Variants in AMPH observed in about 807,000 individuals in gnomAD.
The protein encoded by AMPH is amphiphysin (Stiff-Mann syndrome with breast cancer 128kD autoantigen).
AMPH carries 49 observed loss-of-function variants against 99.1 expected under a neutral mutation model. The observed-to-expected ratio is 0.49, with a 90% CI of 0.39 to 0.63. The LOEUF is 0.63. AMPH is among the 20% of genes least tolerant of loss of function. The pLI, the probability that AMPH is intolerant of heterozygous loss-of-function variation, is 0.00. For synonymous variants in AMPH, 314 were observed against 317.3 expected, an observed-to-expected ratio of 0.99 and a Z score of 0.11; for missense variants, 759 against 863.4, an observed-to-expected ratio of 0.88 and a Z score of 1.52.
chr7:38,631,263 C>T lies in AMPH; in HGVS notation c.69+20G>A. ...CCCGCCTGGCGTCCCCGGCCCCAGC[C>T]CCGGCCGCCCGCCGCTGACCTTTTC... On this transcript the variant is annotated intron_variant, in intron 1 of 20. Transcript: ENST00000356264. The T allele has an allele frequency of 2.0e-6, 3 of 1,514,042 alleles. No individual in the cohort carries two copies. Among genetic ancestry groups the T allele is most frequent in the South Asian group, 1.2e-5 (1 of 80,848 alleles). The allele number at this position is 1,514,042 out of a possible 1,614,324, so 93.8% of individuals were successfully genotyped here. A position where few individuals can be genotyped will look rare whatever the true frequency, so the allele number is the denominator to read the frequency against.
At chr7:38,590,558 C>G (rs533502406) in intron 1 of AMPH, among the ~76,000 whole-genome samples, 1 of 152,132 alleles carries the variant, frequency 6.6e-6, no homozygotes, top group Non-Finnish European at 1.5e-5. Context: ...GGGTTTATAT[C>G]CCAATCATTG....
intron 16 of AMPH, among the ~76,000 whole-genome samples, chr7:38,422,030 G>T (rs565059588): frequency 6.6e-6 from 1 of 152,214 alleles, no homozygotes; most frequent in Admixed American, 6.5e-5. Flanking sequence ...GGAGGGATGA[G>T]ATGATAAATG....
At chr7:38,588,071 C>T (rs953074921) in intron 1 of AMPH, among the ~76,000 whole-genome samples, 8 of 151,926 alleles carry the variant, frequency 5.3e-5, no homozygotes, top group Admixed American at 1.3e-4. Context: ...CCCACCTCTG[C>T]CTCCCAAGTA....
chr7:38,536,748 A>C (rs2129041187), intron 1 of AMPH, among the ~76,000 whole-genome samples: 1 of 152,280 alleles, frequency 6.6e-6, no homozygotes, highest in South Asian at 2.1e-4. Context: ...AGTATCATAA[A>C]TATTAAAAGG....
chr7:38,492,621 G>GT (rs1788764926), intron 4 of AMPH, among the ~76,000 whole-genome samples: 1 of 152,162 alleles, frequency 6.6e-6, no homozygotes, highest in Non-Finnish European at 1.5e-5. Context: ...AACTGCTGAC[G>GT]TGAGTAGACC....
intron 11 of AMPH, among the ~76,000 whole-genome samples, chr7:38,450,867 G>T: frequency 6.6e-6 from 1 of 151,478 alleles, no homozygotes; most frequent in East Asian, 2.0e-4. Flanking sequence ...CATCAAGTTA[G>T]AAGAAAAGCC....
chr7:38,496,461 C>T lies in AMPH; in HGVS notation c.206-1934G>A, dbSNP rs754275448. Among the ~76,000 whole-genome samples, 10 of 152,204 alleles carry T rather than the reference C, an allele frequency of 6.6e-5. No homozygotes were observed. In the East Asian group the frequency reaches 7.7e-4, roughly 12 times the overall value. The stretch of plus-strand genomic sequence containing the variant: ...TGAGCTGAAGAGACTTGACCACCAT[C>T]GGACGAAGCCCTTGCAGAGTCTGGG... On this transcript the variant is annotated intron_variant, in intron 3 of 20. Coordinates refer to ENST00000356264, the MANE Select transcript of AMPH (RefSeq NM_001635.4).
At chr7:38,436,570 ATAAC>A (rs1786275569) in intron 11 of AMPH, among the ~76,000 whole-genome samples, 182 bp from the exon 12 acceptor site, 1 of 152,188 alleles carries the variant, frequency 6.6e-6, no homozygotes, top group Admixed American at 6.5e-5. Flanking sequence ...TGAGAAGGAA[ATAAC>A]TAACTCTGGC....
chr7:38,542,814 G>A (rs939892026), intron 1 of AMPH, among the ~76,000 whole-genome samples: 1 of 152,038 alleles, frequency 6.6e-6, no homozygotes, highest in Non-Finnish European at 1.5e-5. Flanking sequence ...AAGAAAAATT[G>A]TCCGGGTGCA....
At chr7:38,429,756 G>A (rs1406117789) in intron 14 of AMPH, 86 bp downstream of exon 14, 1 of 1,435,580 alleles carries the variant, frequency 7.0e-7, no homozygotes, top group Non-Finnish European at 9.6e-7. Context: ...ATGCCATGGG[G>A]AAACAGTTCA....
At chr7:38,618,238 C>A (rs897603732) in intron 1 of AMPH, among the ~76,000 whole-genome samples, 1 of 151,792 alleles carries the variant, frequency 6.6e-6, no homozygotes, top group African/African-American at 2.4e-5. Flanking sequence ...ATAGGCCAGG[C>A]GCGGTGGCTC....
intron 4 of AMPH, among the ~76,000 whole-genome samples, chr7:38,493,073 T>C (rs1322282649): frequency 1.3e-5 from 2 of 152,204 alleles, no homozygotes; most frequent in Non-Finnish European, 2.9e-5. Flanking sequence ...TCCTCATAAA[T>C]AAATCTCTGT....
intron 16 of AMPH, among the ~76,000 whole-genome samples, chr7:38,418,520 T>C (rs1785469875): frequency 6.6e-6 from 1 of 152,218 alleles, no homozygotes; most frequent in African/African-American, 2.4e-5. Context: ...ATGCATTCAT[T>C]TGACCCAACA....
chr7:38,412,413 T>G (rs183536767), intron 17 of AMPH, among the ~76,000 whole-genome samples: 1 of 152,334 alleles, frequency 6.6e-6, no homozygotes, highest in African/African-American at 2.4e-5. Flanking sequence ...AAGTCTCACT[T>G]GGCCCTGTTT....
chr7:38,554,412 C>T (rs1791289942), intron 1 of AMPH, among the ~76,000 whole-genome samples: 1 of 152,142 alleles, frequency 6.6e-6, no homozygotes, highest in Non-Finnish European at 1.5e-5. Context: ...CTGGAGTACA[C>T]TTTGGCAGCA....
intron 2 of AMPH, among the ~76,000 whole-genome samples, chr7:38,529,352 A>G (rs1429061413): frequency 2.6e-5 from 4 of 152,242 alleles, no homozygotes; most frequent in African/African-American, 9.6e-5. Flanking sequence ...AGTAGATACA[A>G]TGCATTAGTC....
At chr7:38,393,882 G>A in intron 18 of AMPH, 123 bp downstream of exon 18, 1 of 828,364 alleles carries the variant, frequency 1.2e-6, no homozygotes. Context: ...TTGTTTGGTG[G>A]AGTCACAAAA....
chr7:38,413,512 C>T (rs1785273280), intron 17 of AMPH, among the ~76,000 whole-genome samples: 1 of 152,172 alleles, frequency 6.6e-6, no homozygotes, highest in South Asian at 2.1e-4. Context: ...ATGGATTATG[C>T]ACTCTGCTGT....
At chr7:38,521,427 A>G (rs1035576397) in intron 2 of AMPH, among the ~76,000 whole-genome samples, 1 of 152,206 alleles carries the variant, frequency 6.6e-6, no homozygotes, top group Non-Finnish European at 1.5e-5. Flanking sequence ...AGGCTGAGGC[A>G]GGAGAATCGC....
Sources: allele counts gnomAD v4.1 joint callset (sites outside exome capture counted in the v4.1 genomes callset), GRCh38; gene constraint gnomAD v4.1.1; transcripts MANE v1.5; gene names NCBI Gene and HGNC (gene_info 2026-07-23, HGNC 2026-07-21).